The following CUBN variants were observed in gnomAD, a reference collection of about 807,000 sequenced individuals.
CUBN encodes the protein 460 kDa receptor.
Under a neutral mutation model 405.3 loss-of-function variants are expected in CUBN, and 282 were observed. The ratio of observed to expected loss-of-function variants is 0.70; its 90% CI spans 0.63 to 0.77. The LOEUF (loss-of-function observed/expected upper bound fraction) is 0.77. Ranked by LOEUF, CUBN falls within the 30% of genes least tolerant of loss-of-function variation. CUBN has a pLI of 0.00. For synonymous variants in CUBN, 1,684 were observed against 1,617.0 expected (o/e 1.04, Z -0.99); for missense variants, 4,514 against 4,475.2 (o/e 1.01, Z -0.25).
intron 28 of CUBN, among the ~76,000 whole-genome samples, chr10:16,997,466 A>C (rs906711074): frequency 6.6e-6 from 1 of 151,040 alleles, no homozygotes; most frequent in Non-Finnish European, 1.5e-5. Flanking sequence ...TTGTGGAGGA[A>C]GGGAGGACAC....
intron 62 of CUBN, among the ~76,000 whole-genome samples, chr10:16,839,766 C>G (rs1441823468): frequency 6.6e-6 from 1 of 151,546 alleles, no homozygotes; most frequent in Admixed American, 6.6e-5. Flanking sequence ...CACATGCACA[C>G]GTATGTTTAT....
At chr10:17,096,610 C>T (rs922342331) in intron 14 of CUBN, among the ~76,000 whole-genome samples, 20 of 151,766 alleles carry the variant, frequency 1.3e-4, no homozygotes, top group African/African-American at 4.6e-4. Context: ...TTTTTTAAAT[C>T]AGTAAAGAAA....
rs1836871864 is a variant in CUBN at position 17,115,497 on chromosome 10, C to T, written c.694G>A (p.Asp232Asn). The T allele has an allele frequency of 6.2e-7, 1 of 1,614,058 alleles. No individual in the cohort carries two copies. Among genetic ancestry groups the T allele is most frequent in the Non-Finnish European group, 8.5e-7 (1 of 1,179,986 alleles). The change falls in exon 7 of 67, where the codon GAT becomes AAT. Residue 232 changes from aspartate to asparagine, a missense_variant. This residue lies in a region of CUBN where 1,448 missense variants were observed against 1,388.0 expected (regional missense o/e 1.04). Coordinates refer to ENST00000377833, the MANE Select transcript of CUBN (RefSeq NM_001081.4). ...TCTCCAGCTTGCTCTCGCATTAAATCCTCACAGATGCCATGGACACAGCGT... is the reference window on the plus strand; with the variant it reads ...TCTCCAGCTTGCTCTCGCATTAAATTCTCACAGATGCCATGGACACAGCGT... ...VARCVHGICE[D>N]LMREQAGEPK...
Position 17,088,400 on chromosome 10 carries a change from A to T in CUBN, c.1766-55T>A, listed in dbSNP as rs928664619. ...TTTGTATAGATGCTATAATTTATGGAGAATGATCAGAGCCCTTGGCGTAAG... is the reference window on the plus strand; with the variant it reads ...TTTGTATAGATGCTATAATTTATGGTGAATGATCAGAGCCCTTGGCGTAAG... On this transcript the variant is annotated intron_variant, in intron 14 of 66. Coordinates refer to ENST00000377833, the MANE Select transcript of CUBN (RefSeq NM_001081.4). The T allele has an allele frequency of 1.3e-5, 19 of 1,460,158 alleles. No homozygotes were observed. In the African/African-American group the frequency reaches 2.5e-4, roughly 19 times the overall value. The allele number at this position is 1,460,158 out of a possible 1,614,324, so 90.5% of individuals were successfully genotyped here.
At chr10:17,071,645 A>T (rs1202483588) in intron 18 of CUBN, 41 bp from the exon 19 acceptor site, 7 of 1,583,686 alleles carry the variant, frequency 4.4e-6, no homozygotes, top group Non-Finnish European at 6.1e-6. Context: ...TCCAGATATT[A>T]ATAATTTTAT....
chr10:16,918,716 G>T lies in CUBN; in HGVS notation c.6906C>A (p.Pro2302=), dbSNP rs760873237. The change falls in exon 45 of 67, where the codon CCC becomes CCA. Residue 2302 remains proline, a synonymous_variant. Transcript: ENST00000377833. ...ILSKFCGTSL[P]SSQWSSGEVM... is the part of the protein sequence containing the mutation. ...CCTCTCCTGAGGACCACTGACTGCTGGGCAAAGATGTCCCACAAAATTTGG... is the reference window on the plus strand; with the variant it reads ...CCTCTCCTGAGGACCACTGACTGCTTGGCAAAGATGTCCCACAAAATTTGG... 1.9e-6 allele frequency: 3 copies of T among 1,613,866 alleles called. No individual in the cohort carries two copies. Among genetic ancestry groups the T allele is most frequent in the Admixed American group, 3.3e-5 (2 of 59,982 alleles).
chr10:17,054,648 A>G (rs1002772116), intron 22 of CUBN, among the ~76,000 whole-genome samples: 1 of 152,048 alleles, frequency 6.6e-6, no homozygotes, highest in Non-Finnish European at 1.5e-5. Flanking sequence ...TCACTATAGA[A>G]TCTTCAGACA....
At chr10:16,834,885 G>T (rs1298738193) in intron 64 of CUBN, 129 bp downstream of exon 64, 11 of 1,038,032 alleles carry the variant, frequency 1.1e-5, no homozygotes, top group Non-Finnish European at 1.6e-5. Context: ...GAATGAAAGG[G>T]TAATGAATAA....
rs562937464 is a variant in CUBN at position 17,000,899 on chromosome 10, G to A, written c.4169-10384C>T. Among the ~76,000 whole-genome samples the A allele has an allele frequency of 7.9e-5, 12 of 152,276 alleles. No individual in the cohort carries two copies. The East Asian group carries it at 1.7e-3, about 22-fold the overall frequency. The stretch of plus-strand genomic sequence containing the variant: ...ATTGTGTTCGGAATTGGTTTCTTCC[G>A]GTGGGTTCTTGGTCTCGCTGACTTC... On this transcript the variant is annotated intron_variant, in intron 28 of 66. Transcript: ENST00000377833.
At position 16,888,411 on chromosome 10, in the gene CUBN, A is replaced by C; in HGVS notation, c.8905+6T>G. The C allele has an allele frequency of 1.2e-6, 2 of 1,610,986 alleles. No individual in the cohort carries two copies. Among genetic ancestry groups the C allele is most frequent in the Non-Finnish European group, 8.5e-7 (1 of 1,177,398 alleles). ...AAACGTAATTTTTTTAAAAGAATAA[A>C]CTTACCTTCTAAGTGGAAGGACACA... On this transcript the variant is annotated splice_donor_region_variant and intron_variant, in intron 56 of 66. Coordinates refer to ENST00000377833, the MANE Select transcript of CUBN (RefSeq NM_001081.4).
At chr10:17,028,369 G>A (rs1356805854) in intron 27 of CUBN, among the ~76,000 whole-genome samples, 1 of 151,976 alleles carries the variant, frequency 6.6e-6, no homozygotes, top group Non-Finnish European at 1.5e-5. Context: ...GAAGAAGCCA[G>A]AGGACTGCCA....
chr10:16,892,414 A>G (rs1841058602), intron 54 of CUBN, among the ~76,000 whole-genome samples: 2 of 152,160 alleles, frequency 1.3e-5, no homozygotes, highest in African/African-American at 2.4e-5. Flanking sequence ...ATCCAAGGAA[A>G]CAGTATATGG....
chr10:16,829,475 G>C (rs1838909059), intron 65 of CUBN, among the ~76,000 whole-genome samples: 1 of 152,050 alleles, frequency 6.6e-6, no homozygotes, highest in Non-Finnish European at 1.5e-5. Flanking sequence ...AGTAAAATTA[G>C]AAGTAAAATT....
chr10:16,944,961 T>C (rs1276409316), intron 36 of CUBN, among the ~76,000 whole-genome samples: 1 of 152,218 alleles, frequency 6.6e-6, no homozygotes, highest in Non-Finnish European at 1.5e-5. Context: ...AAATTTGACA[T>C]CTTCTTTAAC....
Position 17,129,683 on chromosome 10 carries a change from A to C in CUBN, c.83T>G (p.Leu28Arg). ...FAEVNGEAGE[L>R]ELQRQKRSIN... Reference sequence around the variant, plus strand: ...GCTTCTTTTTTGTCTCTGCAGCTCAAGTTCTCCAGCTTCGCCATTTACTTC... The same window carrying C: ...GCTTCTTTTTTGTCTCTGCAGCTCACGTTCTCCAGCTTCGCCATTTACTTC... Residue 28 changes from leucine (L) to arginine (R), a missense_variant, in exon 1 of 67, where the codon CTT becomes CGT. Around this residue, in one of 5 missense-constraint regions of CUBN, gnomAD observed 1,448 missense variants for 1,388.0 expected, o/e 1.04. Transcript: ENST00000377833. 2 of 1,614,122 alleles carry C rather than the reference A, an allele frequency of 1.2e-6. No homozygotes were observed. Among genetic ancestry groups the C allele is most frequent in the Non-Finnish European group, 1.7e-6 (2 of 1,179,996 alleles).
intron 14 of CUBN, among the ~76,000 whole-genome samples, chr10:17,091,118 T>C (rs1282762414): frequency 6.6e-6 from 1 of 152,164 alleles, no homozygotes; most frequent in Non-Finnish European, 1.5e-5. Context: ...ACATCTTTTC[T>C]GACCAGAAAG....
intron 10 of CUBN, 93 bp from the exon 11 acceptor site, chr10:17,105,668 T>A (rs777062299): frequency 8.1e-6 from 6 of 736,742 alleles, no homozygotes; most frequent in Non-Finnish European, 1.5e-5. Flanking sequence ...TAGACAAGGA[T>A]CCACCAACAT....
chr10:17,038,787 G>A (rs981539347), intron 27 of CUBN, among the ~76,000 whole-genome samples: 1 of 152,166 alleles, frequency 6.6e-6, no homozygotes, highest in African/African-American at 2.4e-5. Flanking sequence ...TCACAGAGAT[G>A]GAAAACAATC....
chr10:16,882,582 G>A (rs577445878), intron 56 of CUBN, among the ~76,000 whole-genome samples: 1 of 152,362 alleles, frequency 6.6e-6, no homozygotes, highest in Admixed American at 6.5e-5. Flanking sequence ...GTGGGATTTA[G>A]AGTTGGACCA....
Sources: allele counts gnomAD v4.1 joint callset (sites outside exome capture counted in the v4.1 genomes callset), GRCh38; gene constraint gnomAD v4.1.1; regional missense constraint gnomAD v4.1.1; transcripts MANE v1.5; gene names NCBI Gene and HGNC (gene_info 2026-07-23, HGNC 2026-07-21).